Variants in SUV39H2 observed in about 807,000 individuals in gnomAD.
The protein encoded by SUV39H2 is SUV39H2 histone lysine methyltransferase.
A neutral mutation model predicts 47.5 loss-of-function variants in SUV39H2; 10 were observed. That is an observed-to-expected ratio of 0.21 (90% CI 0.13 to 0.36). The LOEUF is 0.36. SUV39H2 is among the 10% of genes least tolerant of loss of function. The pLI is 1.00. For missense variants in SUV39H2, 266 were observed against 487.4 expected (o/e 0.55, Z 4.28); for synonymous variants, 159 against 166.8 (o/e 0.95, Z 0.36).
chr10:14,899,044 T>G, intron 3 of SUV39H2: 1 of 583,264 alleles, frequency 1.7e-6, no homozygotes. Flanking sequence ...TAAAAAGTCA[T>G]AAATCAACCA....
intron 3 of SUV39H2, chr10:14,899,043 A>G (rs1252661948): frequency 5.1e-6 from 3 of 583,640 alleles, no homozygotes; most frequent in African/African-American, 1.9e-5. Flanking sequence ...TTAAAAAGTC[A>G]TAAATCAACC....
intron 2 of SUV39H2, among the ~76,000 whole-genome samples, chr10:14,892,828 T>G (rs1833431876): frequency 6.6e-6 from 1 of 151,476 alleles, no homozygotes; most frequent in South Asian, 2.1e-4. Flanking sequence ...TTTTTTTTTT[T>G]TTTGGAGACG....
chr10:14,885,466 C>T (rs1238078768), intron 2 of SUV39H2, among the ~76,000 whole-genome samples: 1 of 152,204 alleles, frequency 6.6e-6, no homozygotes, highest in African/African-American at 2.4e-5. Flanking sequence ...TGTGCTTTCA[C>T]AGAGAGAATT....
intron 2 of SUV39H2, among the ~76,000 whole-genome samples, chr10:14,892,175 A>G (rs906075255): frequency 3.3e-5 from 5 of 152,180 alleles, no homozygotes; most frequent in Non-Finnish European, 5.9e-5. Context: ...GCCGCCTTAG[A>G]GAGGTAAAAT....
At chr10:14,890,427 CTG>C (rs1026723971) in intron 2 of SUV39H2, among the ~76,000 whole-genome samples, 1 of 152,208 alleles carries the variant, frequency 6.6e-6, no homozygotes, top group Non-Finnish European at 1.5e-5. Context: ...GGGTCTCACT[CTG>C]TTGCCCAAGC....
intron 2 of SUV39H2, among the ~76,000 whole-genome samples, chr10:14,889,085 A>C (rs1309468554): frequency 6.6e-6 from 1 of 150,786 alleles, no homozygotes; most frequent in Non-Finnish European, 1.5e-5. Context: ...CCTGGGCTAC[A>C]AGAGTGAAAC....
At chr10:14,886,824 G>A (rs1564335863) in intron 2 of SUV39H2, among the ~76,000 whole-genome samples, 1 of 152,012 alleles carries the variant, frequency 6.6e-6, no homozygotes, top group African/African-American at 2.4e-5. Flanking sequence ...AAAGTGCTGT[G>A]GCAAACATCG....
chr10:14,896,087 C>T (rs186983677), intron 2 of SUV39H2, among the ~76,000 whole-genome samples: 1 of 151,996 alleles, frequency 6.6e-6, no homozygotes, highest in Non-Finnish European at 1.5e-5. Flanking sequence ...GCATTACAGG[C>T]GTGCACCACC....
rs1217246405 is a variant in SUV39H2, at chr10:14,903,568, G to A, written c.*1056G>A. On this transcript the variant is annotated 3_prime_UTR_variant, in exon 6 of 6. Transcript: ENST00000354919. ...TTTTATACATAAATTTTTTTTAGAT[G>A]TGATAAAGCTAAACTTGGCCAAAGT... The A allele has an allele frequency of 1.3e-5, 2 of 152,224 alleles. No homozygotes were observed. The highest frequency in any genetic ancestry group is 4.8e-5 in the African/African-American group (2 of 41,532). 9.4% of individuals were successfully genotyped at this position (152,224 alleles called of 1,614,324 possible). A position where few individuals can be genotyped will look rare whatever the true frequency, so the allele number is the denominator to read the frequency against.
intron 5 of SUV39H2, among the ~76,000 whole-genome samples, chr10:14,901,705 C>T (rs1038604883): frequency 6.6e-6 from 1 of 151,888 alleles, no homozygotes; most frequent in African/African-American, 2.4e-5. Context: ...GTGGCGTGTG[C>T]CTGTAGTCCC....
chr10:14,899,507 T>C lies in SUV39H2; in HGVS notation c.850-32T>C, dbSNP rs1169057611. ...ATGAATGCTTCTTTGGTTCAGTAGC[T>C]ACGTAATATACTTACAGTTTTTTCT... On this transcript the variant is annotated intron_variant, in intron 3 of 5. Coordinates refer to ENST00000354919, the MANE Select transcript of SUV39H2 (RefSeq NM_001193424.2). The C allele has an allele frequency of 3.1e-6, 5 of 1,608,886 alleles. No homozygotes were observed. The South Asian group carries it at 4.4e-5, about 14-fold the overall frequency.
chr10:14,901,507 A>G (rs1047214829), intron 5 of SUV39H2, among the ~76,000 whole-genome samples: 3 of 151,530 alleles, frequency 2.0e-5, no homozygotes, highest in Non-Finnish European at 4.4e-5. Context: ...TTGGAAACTG[A>G]TTTATTTATT....
At chr10:14,890,597 G>A (rs1386019674) in intron 2 of SUV39H2, among the ~76,000 whole-genome samples, 1 of 152,186 alleles carries the variant, frequency 6.6e-6, no homozygotes, top group Non-Finnish European at 1.5e-5. Flanking sequence ...GTCCAGGCTG[G>A]TCTCCAACTC....
At chr10:14,900,098 G>GTA (rs1255687162) in intron 4 of SUV39H2, among the ~76,000 whole-genome samples, 2 of 152,156 alleles carry the variant, frequency 1.3e-5, no homozygotes, top group Non-Finnish European at 2.9e-5. Flanking sequence ...TTCTTAAAAT[G>GTA]TAAACATGTT....
chr10:14,899,637 A>T lies in SUV39H2; in HGVS notation c.948A>T (p.Thr316=), dbSNP rs758378629. Residue 316 remains threonine (T), a synonymous_variant, in exon 4 of 6, where the codon ACA becomes ACT. Coordinates refer to ENST00000354919, the MANE Select transcript of SUV39H2 (RefSeq NM_001193424.2). ...TGGACTATGAGTCTGATGAATTCAC[A>T]GTGGATGCGGCTCGATACGGCAATG... The part of the protein sequence containing the change: ...FDLDYESDEF[T]VDAARYGNVS... 5.0e-6 allele frequency: 8 copies of T among 1,614,220 alleles called. No individual in the cohort carries two copies. In the Admixed American group the frequency reaches 1.3e-4, roughly 27 times the overall value.
intron 2 of SUV39H2, among the ~76,000 whole-genome samples, chr10:14,883,815 C>G (rs1340071200): frequency 6.6e-6 from 1 of 151,532 alleles, no homozygotes; most frequent in Non-Finnish European, 1.5e-5. Context: ...AACCCCTTAG[C>G]TACCACCTGT....
rs369691507 is a variant in SUV39H2, at chr10:14,901,086, T to C, written c.997-47T>C. ...CATTTTATATGGCATGTAGAAGGGC[T>C]TGTTTACACCGTTTGTACTTAAATG... On this transcript the variant is annotated intron_variant, in intron 4 of 5. Coordinates refer to ENST00000354919, the MANE Select transcript of SUV39H2 (RefSeq NM_001193424.2). 6.9e-6 allele frequency: 11 copies of C among 1,602,028 alleles called. No individual in the cohort carries two copies. The African/African-American group carries it at 1.5e-4, about 22-fold the overall frequency.
intron 1 of SUV39H2, chr10:14,880,157 G>T (rs1044811795): frequency 6.6e-6 from 1 of 152,142 alleles, no homozygotes; most frequent in East Asian, 1.9e-4. Context: ...ACCCCCAAAC[G>T]ACCACTACAA....
intron 2 of SUV39H2, among the ~76,000 whole-genome samples, chr10:14,882,797 C>A (rs867523602): frequency 3.9e-5 from 6 of 151,922 alleles, no homozygotes; most frequent in South Asian, 2.1e-4. Context: ...ACCAGCTGTT[C>A]ACACTTATTC....
Sources: gnomAD v4.1 joint callset for allele counts (sites outside exome capture counted in the v4.1 genomes callset) on GRCh38, gnomAD v4.1.1 for gene constraint, MANE v1.5 for transcripts, NCBI Gene and HGNC (gene_info 2026-07-23, HGNC 2026-07-21) for gene names.